AFAP1: variants seen among roughly 807,000 people sequenced by gnomAD.
The protein encoded by AFAP1 is actin filament associated protein 1, also known as actin filament-associated protein 1.
Under a neutral mutation model 93.9 loss-of-function variants are expected in AFAP1, and 75 were observed. The observed-to-expected ratio is 0.80, with a 90% confidence interval of 0.66 to 0.97. The LOEUF (loss-of-function observed/expected upper bound fraction) is 0.97. Ranked by LOEUF, AFAP1 falls within the 50% of genes least tolerant of loss-of-function variation. The probability of loss-of-function intolerance (pLI) is 0.00; values close to 1 mark genes in which losing one functional copy is unlikely to be tolerated. For synonymous variants in AFAP1, 517 were observed against 430.7 expected, an observed-to-expected ratio of 1.20 and a Z score of -2.48; for missense variants, 1,201 against 1,050.8, an observed-to-expected ratio of 1.14 and a Z score of -1.98.
At chr4:7,887,955 T>C (rs530456457) in intron 1 of AFAP1, among the ~76,000 whole-genome samples, 191 of 152,222 alleles carry the variant, frequency 1.3e-3, no homozygotes, top group African/African-American at 4.4e-3. Flanking sequence ...GCCTCCCAAG[T>C]AGCTGGGATT....
rs1415558646 is a variant in AFAP1, at chr4:7,939,809, TC to T, written c.-157del. 2 of 321,920 alleles carry T rather than the reference TC, an allele frequency of 6.2e-6. No homozygotes were observed. The highest frequency in any genetic ancestry group is 2.3e-5 in the African/African-American group (1 of 43,186). 19.9% of individuals were successfully genotyped at this position (321,920 alleles called of 1,614,324 possible). ...CTCAGCCCGTGTACCCCGCTCGAGA[TC>T]CGGCTCGGCTCGCGGAGCTGCAGCC... is the stretch of plus-strand genomic sequence containing the variant. On this transcript the variant is annotated 5_prime_UTR_variant, in exon 1 of 18. Coordinates refer to ENST00000420658, the MANE Select transcript of AFAP1 (RefSeq NM_001134647.2). The surrounding 1 kb of genome is among the most constrained non-coding windows in gnomAD (Gnocchi z 5.6).
Position 7,868,652 on chromosome 4 carries a change from C to G in AFAP1, c.195G>C (p.Met65Ile). 7 of 1,612,986 alleles carry G rather than the reference C, an allele frequency of 4.3e-6. No individual in the cohort carries two copies. Among genetic ancestry groups the G allele is most frequent in the Non-Finnish European group, 5.9e-6 (7 of 1,179,878 alleles). Residue 65 changes from methionine (M) to isoleucine (I), a missense_variant, in exon 3 of 18, where the codon ATG (methionine) becomes ATC (isoleucine). Coordinates refer to ENST00000420658, the MANE Select transcript of AFAP1 (RefSeq NM_001134647.2). ...TANSLPAPPQ[M>I]PLPEIPQPWL... ...AGGGCTGAGGGATCTCCGGCAGGGG[C>G]ATCTGAGGAGGGGCTGGCAGGCTGT...
At chr4:7,907,711 C>T (rs1719496082) in intron 1 of AFAP1, among the ~76,000 whole-genome samples, 1 of 152,060 alleles carries the variant, frequency 6.6e-6, no homozygotes, top group South Asian at 2.1e-4. Flanking sequence ...ACTCAACCAG[C>T]AAGTATAATA....
intron 6 of AFAP1, among the ~76,000 whole-genome samples, chr4:7,834,019 A>G (rs1304344585): frequency 6.6e-6 from 1 of 152,002 alleles, no homozygotes; most frequent in African/African-American, 2.4e-5. Context: ...ATAACAGCAC[A>G]ATCCACAATT....
chr4:7,881,815 C>G (rs574010225), intron 1 of AFAP1, among the ~76,000 whole-genome samples: 1 of 151,784 alleles, frequency 6.6e-6, no homozygotes, highest in Non-Finnish European at 1.5e-5. Context: ...GAAACCTGGA[C>G]TCTGTCACCA....
At chr4:7,856,486 C>T (rs942273037) in intron 3 of AFAP1, among the ~76,000 whole-genome samples, 2 of 152,108 alleles carry the variant, frequency 1.3e-5, no homozygotes, top group East Asian at 1.9e-4. Context: ...GTGATCAGCC[C>T]GCCTTGGCCT....
Position 7,763,571 on chromosome 4 carries a change from T to C in AFAP1, c.*194A>G, listed in dbSNP as rs1222356233. Reference sequence around the variant, plus strand: ...TTGGGAACCAAAGTCTTACATCTTTTTTAAAGGCGCCATTTTACAGTAGAA... The same window carrying C: ...TTGGGAACCAAAGTCTTACATCTTTCTTAAAGGCGCCATTTTACAGTAGAA... On this transcript the variant is annotated 3_prime_UTR_variant, in exon 18 of 18. Coordinates refer to ENST00000420658, the MANE Select transcript of AFAP1 (RefSeq NM_001134647.2). 3 of 600,962 alleles carry C rather than the reference T, an allele frequency of 5.0e-6. No individual in the cohort carries two copies. The African/African-American group carries it at 5.6e-5, about 11-fold the overall frequency. 37.2% of individuals were successfully genotyped at this position (600,962 alleles called of 1,614,324 possible). A position where few individuals can be genotyped will look rare whatever the true frequency, so the allele number is the denominator to read the frequency against.
chr4:7,796,958 G>GT (rs1183621141), intron 10 of AFAP1, among the ~76,000 whole-genome samples: 1 of 151,900 alleles, frequency 6.6e-6, no homozygotes, highest in African/African-American at 2.4e-5. Flanking sequence ...TGCTCGGGAG[G>GT]CTGAGGCAGG....
chr4:7,918,937 C>T (rs1047825704), intron 1 of AFAP1, among the ~76,000 whole-genome samples: 2 of 146,526 alleles, frequency 1.4e-5, no homozygotes, highest in Non-Finnish European at 3.0e-5. Flanking sequence ...ATGAGACACT[C>T]GGCCCAGGTC....
At chr4:7,766,996 C>A (rs1166387811) in intron 17 of AFAP1, among the ~76,000 whole-genome samples, 1 of 152,082 alleles carries the variant, frequency 6.6e-6, no homozygotes, top group Non-Finnish European at 1.5e-5. Context: ...CAGAAAAAGG[C>A]GGGAGGCAGA....
chr4:7,772,839 G>C lies in AFAP1; in HGVS notation c.2234C>G (p.Ser745Ter). 1.2e-6 allele frequency: 2 copies of C among 1,613,996 alleles called. No individual in the cohort carries two copies. The highest frequency in any genetic ancestry group is 1.7e-6 in the Non-Finnish European group (2 of 1,179,984). The change falls in exon 16 of 18, where the codon TCA becomes TGA. Residue 745 changes from serine to a stop codon, truncating the protein, a stop_gained. Coordinates refer to ENST00000420658, the MANE Select transcript of AFAP1 (RefSeq NM_001134647.2). LOFTEE classifies it high-confidence loss of function. ...VTLGLAIEPK[S>*]GTSSPQSPVF... The stretch of plus-strand genomic sequence containing the variant: ...ACACACCTGTGGACTCGATGTCCCT[G>C]ACTTGGGCTCGATGGCCAGCCCCAG...
intron 9 of AFAP1, among the ~76,000 whole-genome samples, chr4:7,808,780 T>A (rs6446621): frequency 0.66 from 99,958 of 151,892 alleles, 32,990 homozygotes; most frequent in East Asian, 0.84. Flanking sequence ...TTCTCACACC[T>A]GTGGTTCCTG....
At position 7,793,758 on chromosome 4, in the gene AFAP1, G is replaced by T; in HGVS notation, c.1335C>A (p.Asp445Glu). The part of the protein sequence containing the change: ...ILLAETGSST[D>E]PEALHYDYID... ...TGTAGTCATAGTGCAGAGCCTCCGGGTCTGTGGACGATCCCGTCTCTGCGA... is the reference window on the plus strand; with the variant it reads ...TGTAGTCATAGTGCAGAGCCTCCGGTTCTGTGGACGATCCCGTCTCTGCGA... Residue 445 changes from aspartate to glutamate, a missense_variant, in exon 11 of 18, where the codon GAC becomes GAA. Coordinates refer to ENST00000420658, the MANE Select transcript of AFAP1 (RefSeq NM_001134647.2). The T allele has an allele frequency of 6.3e-7, 1 of 1,577,078 alleles. No homozygotes were observed. The highest frequency in any genetic ancestry group is 8.7e-7 in the Non-Finnish European group (1 of 1,151,236).
chr4:7,867,097 A>AGGGGGGGG (rs1716497179), intron 3 of AFAP1, among the ~76,000 whole-genome samples: 1 of 45,898 alleles, frequency 2.2e-5, no homozygotes, highest in African/African-American at 8.0e-5. Flanking sequence ...AGAGGGGAGG[A>AGGGGGGGG]GAGGGGAGTA....
chr4:7,918,707 A>G lies in AFAP1; in HGVS notation c.-3+20949T>C, dbSNP rs563198692. 2.2e-5 allele frequency among the ~76,000 whole-genome samples: 3 copies of G among 134,190 alleles called. No individual in the cohort carries two copies. The East Asian group carries it at 7.4e-4, about 33-fold the overall frequency. The allele number at this position is 134,190 out of a possible 152,430, so 88.0% of individuals were successfully genotyped here. A position where few individuals can be genotyped will look rare whatever the true frequency, so the allele number is the denominator to read the frequency against. On this transcript the variant is annotated intron_variant, in intron 1 of 17. Coordinates refer to ENST00000420658, the MANE Select transcript of AFAP1 (RefSeq NM_001134647.2). ...GATAAGACACTCGGCCCAGGTCACC[A>G]GGAAACAGGGCTGTGGATGAGACAC... is the stretch of plus-strand genomic sequence containing the variant.
At chr4:7,813,036 G>C (rs570493134) in intron 8 of AFAP1, among the ~76,000 whole-genome samples, 1 of 152,128 alleles carries the variant, frequency 6.6e-6, no homozygotes, top group Non-Finnish European at 1.5e-5. Context: ...GAGGGATTCC[G>C]CCTTGAGAGA....
intron 13 of AFAP1, among the ~76,000 whole-genome samples, 178 bp downstream of exon 13, chr4:7,781,198 G>A (rs751230511): frequency 2.8e-4 from 43 of 152,062 alleles, no homozygotes; most frequent in African/African-American, 5.8e-4. Context: ...CCATGAGCTC[G>A]TTAGAAATAT....
intron 4 of AFAP1, among the ~76,000 whole-genome samples, chr4:7,849,914 C>A (rs1287076336): frequency 6.6e-6 from 1 of 152,030 alleles, no homozygotes; most frequent in Non-Finnish European, 1.5e-5. Flanking sequence ...AGATTCTCCA[C>A]TCTTTCATGC....
rs1194535791 is a variant in AFAP1, at chr4:7,763,064, CTAAGTG to C, written c.*695_*700del. 2 of 152,462 alleles carry C rather than the reference CTAAGTG, an allele frequency of 1.3e-5. No individual in the cohort carries two copies. The highest frequency in any genetic ancestry group is 3.8e-4 in the East Asian group (2 of 5,198). 9.4% of individuals were successfully genotyped at this position (152,462 alleles called of 1,614,324 possible). On this transcript the variant is annotated 3_prime_UTR_variant, in exon 18 of 18. Transcript: ENST00000420658. ...AAGGAACCTCTGAAAACTCCTTGAT[CTAAGTG>C]TGACACACAGTAAAAAGACATTCCT...
Sources: gnomAD v4.1 joint callset for allele counts (sites outside exome capture counted in the v4.1 genomes callset) on GRCh38, gnomAD v4.1.1 for gene constraint, Gnocchi (gnomAD v3.1) non-coding constraint, MANE v1.5 for transcripts, NCBI Gene and HGNC (gene_info 2026-07-23, HGNC 2026-07-21) for gene names.